NPAT: variants seen among roughly 807,000 people sequenced by gnomAD.
NPAT encodes protein NPAT.
In NPAT, 52 loss-of-function variants were observed where a neutral mutation model predicts 130.7. The ratio of observed to expected loss-of-function variants is 0.40; its 90% CI spans 0.32 to 0.50. NPAT has a LOEUF of 0.50. NPAT is among the 20% of genes least tolerant of loss of function. The pLI is 0.68. For synonymous variants in NPAT, 580 were observed against 584.8 expected, an observed-to-expected ratio of 0.99 and a Z score of 0.12; for missense variants, 1,687 against 1,662.6, an observed-to-expected ratio of 1.01 and a Z score of -0.26.
intron 13 of NPAT, 167 bp from the exon 14 acceptor site, chr11:108,170,210 C>G (rs1296549735): frequency 6.7e-6 from 4 of 594,126 alleles, no homozygotes; most frequent in Non-Finnish European, 1.2e-5. Context: ...ACAAAAAAAA[C>G]GAAACTGAAA....
chr11:108,170,571 A>G (rs141403998), intron 13 of NPAT, among the ~76,000 whole-genome samples: 1 of 152,304 alleles, frequency 6.6e-6, no homozygotes, highest in East Asian at 1.9e-4. Flanking sequence ...GGAAAATTAC[A>G]ATGTCTACAT....
At chr11:108,216,893 C>T (rs922533057) in intron 1 of NPAT, among the ~76,000 whole-genome samples, 2 of 152,090 alleles carry the variant, frequency 1.3e-5, no homozygotes, top group Admixed American at 1.3e-4. Flanking sequence ...TTACTTTTGT[C>T]CCAAAAGTTC....
chr11:108,208,852 C>T (rs1222613003), intron 1 of NPAT, among the ~76,000 whole-genome samples: 3 of 152,202 alleles, frequency 2.0e-5, no homozygotes, highest in Admixed American at 6.5e-5. Context: ...GCATAATACA[C>T]ATTTTTCTCA....
At chr11:108,175,327 G>C (rs190722282) in intron 12 of NPAT, among the ~76,000 whole-genome samples, 4 of 152,094 alleles carry the variant, frequency 2.6e-5, no homozygotes, top group Non-Finnish European at 4.4e-5. Context: ...GCACCCACTG[G>C]GGGGCTTGGA....
At chr11:108,212,450 G>T (rs1233924635) in intron 1 of NPAT, among the ~76,000 whole-genome samples, 1 of 151,698 alleles carries the variant, frequency 6.6e-6, no homozygotes, top group Non-Finnish European at 1.5e-5. Context: ...GCTTGAATCC[G>T]GGAGGTGGAG....
intron 10 of NPAT, among the ~76,000 whole-genome samples, chr11:108,178,709 T>C (rs548747068): frequency 5.3e-5 from 8 of 151,998 alleles, no homozygotes; most frequent in Non-Finnish European, 1.2e-4. Flanking sequence ...AATACAAAAA[T>C]TAGCTGGGTG....
chr11:108,174,724 C>T (rs989241159), intron 12 of NPAT, among the ~76,000 whole-genome samples: 1 of 151,164 alleles, frequency 6.6e-6, no homozygotes, highest in African/African-American at 2.4e-5. Context: ...ATGTGATTCT[C>T]CTGCCTCAGC....
chr11:108,169,467 G>A (rs1482236813), intron 15 of NPAT, among the ~76,000 whole-genome samples: 1 of 152,102 alleles, frequency 6.6e-6, no homozygotes, highest in Non-Finnish European at 1.5e-5. Flanking sequence ...GAAAGCTGTT[G>A]GGAAAAATAG....
At position 108,169,852 on chromosome 11, in the gene NPAT, C is replaced by A. The variant is rs984261935; in HGVS notation, c.2902G>T (p.Val968Phe). The A allele has an allele frequency of 7.4e-6, 12 of 1,613,258 alleles. No homozygotes were observed. The African/African-American group carries it at 1.6e-4, about 22-fold the overall frequency. ...GGTGCTGTCAAAGGCATATGAAGAA[C>A]CTGGAAGAGAAAAAGCCATTAATTA... The part of the protein sequence containing the change: ...GNNFSTPPRQ[V>F]LHMPLTAPVC... The change falls in exon 15 of 18, where the codon GTT (valine) becomes TTT (phenylalanine). Residue 968 changes from valine to phenylalanine, a missense_variant and splice_region_variant. Transcript: ENST00000278612.
At chr11:108,174,758 G>C (rs930319565) in intron 12 of NPAT, among the ~76,000 whole-genome samples, 2 of 151,748 alleles carry the variant, frequency 1.3e-5, no homozygotes, top group African/African-American at 4.8e-5. Context: ...GGGATCACAG[G>C]TGCGCGCCAG....
At chr11:108,199,118 T>A (rs2078251039) in intron 1 of NPAT, among the ~76,000 whole-genome samples, 1 of 152,160 alleles carries the variant, frequency 6.6e-6, no homozygotes, top group African/African-American at 2.4e-5. Context: ...CCGTTTGCCA[T>A]GCTGTGGGCG....
At chr11:108,168,539 T>C (rs1420587533) in intron 15 of NPAT, among the ~76,000 whole-genome samples, 1 of 152,182 alleles carries the variant, frequency 6.6e-6, no homozygotes, top group East Asian at 1.9e-4. Flanking sequence ...GTTCTCTGTA[T>C]AATGAGTGCA....
At chr11:108,177,617 T>C (rs2078021429) in intron 10 of NPAT, among the ~76,000 whole-genome samples, 1 of 152,216 alleles carries the variant, frequency 6.6e-6, no homozygotes, top group African/African-American at 2.4e-5. Flanking sequence ...CTAATCCTAC[T>C]TCTTAGAGGT....
At chr11:108,186,421 T>C (rs2078108457) in intron 8 of NPAT, 61 bp downstream of exon 8, 9 of 1,221,652 alleles carry the variant, frequency 7.4e-6, no homozygotes, top group Admixed American at 1.7e-5. Flanking sequence ...CATTTGTGTA[T>C]ATATCTGTAT....
rs865795034 is a variant in NPAT at position 108,222,633 on chromosome 11, G to T, written c.-97C>A. On this transcript the variant is annotated 5_prime_UTR_variant, in exon 1 of 18. Transcript: ENST00000278612. Reference sequence around the variant, plus strand: ...CGCCGCATCTCCTGGTTCCAGTGGCGGCACTGAACTCGCGGCAATTTGTCC... The same window carrying T: ...CGCCGCATCTCCTGGTTCCAGTGGCTGCACTGAACTCGCGGCAATTTGTCC... The T allele has an allele frequency of 3.0e-6, 4 of 1,346,388 alleles. No individual in the cohort carries two copies. The highest frequency in any genetic ancestry group is 1.8e-4 in the Middle Eastern group (1 of 5,614). The allele number at this position is 1,346,388 out of a possible 1,614,324, so 83.4% of individuals were successfully genotyped here.
intron 3 of NPAT, among the ~76,000 whole-genome samples, chr11:108,193,078 T>C (rs1237712497): frequency 2.0e-5 from 3 of 152,258 alleles, no homozygotes; most frequent in Non-Finnish European, 4.4e-5. Context: ...TATCATCTTA[T>C]GCGAATTCTT....
intron 6 of NPAT, 28 bp from the exon 7 acceptor site, chr11:108,188,207 G>A (rs1401708940): frequency 1.3e-6 from 2 of 1,541,662 alleles, no homozygotes; most frequent in Non-Finnish European, 1.8e-6. Flanking sequence ...ATAACAGTAA[G>A]CCAAAGAAAC....
chr11:108,172,100 CT>C (rs1565310249), intron 13 of NPAT, 98 bp downstream of exon 13: 1 of 979,644 alleles, frequency 1.0e-6, no homozygotes. Context: ...CTCATACCAT[CT>C]ACTCATTAGT....
At chr11:108,189,402 A>T in intron 5 of NPAT, 72 bp from the exon 6 acceptor site, 1 of 1,242,556 alleles carries the variant, frequency 8.0e-7, no homozygotes, top group Non-Finnish European at 1.2e-6. Context: ...AGTCAATATG[A>T]TGCAACCTAT....
Sources: gnomAD v4.1 joint callset for allele counts (sites outside exome capture counted in the v4.1 genomes callset) on GRCh38, gnomAD v4.1.1 for gene constraint, MANE v1.5 for transcripts, NCBI Gene and HGNC (gene_info 2026-07-23, HGNC 2026-07-21) for gene names.